CHD9: variants seen among roughly 807,000 people sequenced by gnomAD.
The protein encoded by CHD9 is ATP-dependent chromatin remodeler CHD9.
Under a neutral mutation model 316.1 loss-of-function variants are expected in CHD9, and 77 were observed. The ratio of observed to expected loss-of-function variants is 0.24; its 90% CI spans 0.20 to 0.29. The LOEUF (loss-of-function observed/expected upper bound fraction) is 0.29. Among genes scored for constraint, CHD9 ranks in the 10% least tolerant of loss-of-function variants. CHD9 has a pLI of 1.00. For synonymous variants in CHD9, 1,129 were observed against 1,158.3 expected (o/e 0.97, Z 0.51); for missense variants, 2,763 against 3,438.1 (o/e 0.80, Z 4.91).
chr16:53,306,794 CT>C (rs138032076), intron 32 of CHD9, among the ~76,000 whole-genome samples: 3 of 150,772 alleles, frequency 2.0e-5, no homozygotes, highest in Middle Eastern at 3.2e-3. Context: ...GATTTTCTTC[CT>C]TTTTTTTTGA....
intron 3 of CHD9, among the ~76,000 whole-genome samples, chr16:53,221,314 A>G (rs182679992): frequency 6.6e-6 from 1 of 152,240 alleles, no homozygotes; most frequent in African/African-American, 2.4e-5. Flanking sequence ...AGATAGGTAC[A>G]TGGTGGAGTC....
intron 1 of CHD9, among the ~76,000 whole-genome samples, chr16:53,067,163 G>A (rs2033604409): frequency 6.6e-6 from 1 of 152,124 alleles, no homozygotes; most frequent in Admixed American, 6.5e-5. Context: ...GGCTGGTCTT[G>A]AACTCCCGGG....
intron 1 of CHD9, among the ~76,000 whole-genome samples, chr16:53,089,294 A>G (rs1390911544): frequency 3.3e-5 from 5 of 152,174 alleles, no homozygotes; most frequent in Non-Finnish European, 5.9e-5. Context: ...TCAAAAAAAC[A>G]AAACAAAACA....
In CHD9 at chr16:53,326,059, A is replaced by T. The variant is rs2057530047; in HGVS notation, c.*1164A>T. ...ATGCACTTTGAATAATCTCAAAAAGATGTACAAGTTATACCTGTAAACCAC... is the reference window on the plus strand; with the variant it reads ...ATGCACTTTGAATAATCTCAAAAAGTTGTACAAGTTATACCTGTAAACCAC... On this transcript the variant is annotated 3_prime_UTR_variant, in exon 39 of 39. Coordinates refer to ENST00000447540, the MANE Select transcript of CHD9 (RefSeq NM_001308319.2). 6.6e-6 allele frequency: 1 copy of T among 152,536 alleles called. No homozygotes were observed. Among genetic ancestry groups the T allele is most frequent in the Admixed American group, 6.5e-5 (1 of 15,270 alleles). The allele number at this position is 152,536 out of a possible 1,614,324, so 9.4% of individuals were successfully genotyped here. A position where few individuals can be genotyped will look rare whatever the true frequency, so the allele number is the denominator to read the frequency against.
At chr16:53,262,373 G>A (rs1256228381) in intron 19 of CHD9, among the ~76,000 whole-genome samples, 1 of 151,930 alleles carries the variant, frequency 6.6e-6, no homozygotes, top group South Asian at 2.1e-4. Context: ...CAGTATTTAC[G>A]AAAATAAATC....
chr16:53,212,771 C>G (rs998499949), intron 3 of CHD9, among the ~76,000 whole-genome samples: 8 of 152,154 alleles, frequency 5.3e-5, no homozygotes, highest in African/African-American at 1.7e-4. Context: ...TCATCACTTA[C>G]AAGCAGTGTA....
chr16:53,068,998 T>C (rs2033770595), intron 1 of CHD9, among the ~76,000 whole-genome samples: 1 of 151,984 alleles, frequency 6.6e-6, no homozygotes, highest in Admixed American at 6.6e-5. Flanking sequence ...TCTTCTTTTA[T>C]TTTATTTTAT....
chr16:53,317,391 C>T (rs1489236380), intron 36 of CHD9, among the ~76,000 whole-genome samples: 1 of 152,072 alleles, frequency 6.6e-6, no homozygotes, highest in Non-Finnish European at 1.5e-5. Flanking sequence ...CTGGAAATAC[C>T]TGCAAACATT....
chr16:53,151,583 C>T (rs1272365935), intron 1 of CHD9, among the ~76,000 whole-genome samples: 1 of 152,010 alleles, frequency 6.6e-6, no homozygotes, highest in Non-Finnish European at 1.5e-5. Context: ...TTGTGATCCT[C>T]ATATTGGAGA....
intron 10 of CHD9, 28 bp from the exon 11 acceptor site, chr16:53,235,157 A>T (rs2048514863): frequency 1.3e-6 from 2 of 1,542,684 alleles, no homozygotes; most frequent in Admixed American, 2.0e-5. Flanking sequence ...AGATTTAAAC[A>T]CCATTCATTC....
intron 2 of CHD9, among the ~76,000 whole-genome samples, chr16:53,183,840 ATGTT>A (rs1376809315): frequency 1.3e-5 from 2 of 152,230 alleles, no homozygotes; most frequent in Non-Finnish European, 2.9e-5. Context: ...AACCTTGGGC[ATGTT>A]TGTTAATCTT....
chr16:53,208,596 G>A, intron 2 of CHD9: 1 of 1,005,256 alleles, frequency 9.9e-7, no homozygotes. Flanking sequence ...TGAAACCTTT[G>A]ATGAGGCAGG....
chr16:53,113,757 G>A (rs1398768118), intron 1 of CHD9, among the ~76,000 whole-genome samples: 1 of 152,038 alleles, frequency 6.6e-6, no homozygotes, highest in Admixed American at 6.6e-5. Context: ...CTGGAGTGTA[G>A]CGGCACGATT....
At chr16:53,088,006 G>T (rs560087874) in intron 1 of CHD9, among the ~76,000 whole-genome samples, 1 of 152,156 alleles carries the variant, frequency 6.6e-6, no homozygotes, top group South Asian at 2.1e-4. Flanking sequence ...CAGGAGTGCA[G>T]GGGCTCATCT....
At chr16:53,117,089 A>G (rs1216484253) in intron 1 of CHD9, among the ~76,000 whole-genome samples, 1 of 152,018 alleles carries the variant, frequency 6.6e-6, no homozygotes, top group East Asian at 1.9e-4. Context: ...GGCAAGGGGG[A>G]AGGGAAAGCA....
chr16:53,199,199 A>G (rs2045225870), intron 2 of CHD9, among the ~76,000 whole-genome samples: 1 of 152,130 alleles, frequency 6.6e-6, no homozygotes, highest in South Asian at 2.1e-4. Flanking sequence ...TTACAGTCAT[A>G]GTTACACTTT....
rs1167327803 is a variant in CHD9, at chr16:53,324,779, C to T, written c.8578C>T (p.Pro2860Ser). 1 of 1,613,182 alleles carries T rather than the reference C, an allele frequency of 6.2e-7. No homozygotes were observed. The highest frequency in any genetic ancestry group is 8.5e-7 in the Non-Finnish European group (1 of 1,179,564). ...TCAGGAAGACAAAGGAGGAACTGAA[C>T]CAAGTCCTCTCAATGAAAACAGCAC... ...KDQEDKGGTE[P>S]SPLNENSTDE... Residue 2860 changes from proline to serine, a missense_variant, in exon 39 of 39, where the codon CCA becomes TCA. Transcript: ENST00000447540.
At chr16:53,264,437 A>T (rs1288708214) in intron 20 of CHD9, among the ~76,000 whole-genome samples, 1 of 152,110 alleles carries the variant, frequency 6.6e-6, no homozygotes, top group Non-Finnish European at 1.5e-5. Flanking sequence ...ATTAAAAATA[A>T]AAAATAATAA....
rs145411786 is a variant in CHD9 at position 53,224,792 on chromosome 16, A to G, written c.1897-1574A>G. Among the ~76,000 whole-genome samples the G allele has an allele frequency of 9.5e-4, 144 of 152,360 alleles. 1 individual carries two copies. Among genetic ancestry groups the G allele is most frequent in the Admixed American group, 8.0e-3 (123 of 15,298 alleles). On this transcript the variant is annotated intron_variant, in intron 4 of 38. Coordinates refer to ENST00000447540, the MANE Select transcript of CHD9 (RefSeq NM_001308319.2). ...GAACATTAAGATCTATATGGTGCCCATAATAGAATTCTAAATATTCTTTTA... is the reference window on the plus strand; with the variant it reads ...GAACATTAAGATCTATATGGTGCCCGTAATAGAATTCTAAATATTCTTTTA...
Sources: gnomAD v4.1 joint callset for allele counts (sites outside exome capture counted in the v4.1 genomes callset) on GRCh38, gnomAD v4.1.1 for gene constraint, MANE v1.5 for transcripts, NCBI Gene and HGNC (gene_info 2026-07-23, HGNC 2026-07-21) for gene names.